SOX5: variants seen among roughly 807,000 people sequenced by gnomAD.
SOX5 encodes the protein transcription factor SOX-5.
A neutral mutation model predicts 92.0 loss-of-function variants in SOX5; 9 were observed. The observed-to-expected ratio is 0.10, with a 90% confidence interval of 0.06 to 0.17. The LOEUF (loss-of-function observed/expected upper bound fraction) is 0.17, where lower values mean the gene tolerates loss of function less well. Ranked by LOEUF, SOX5 falls within the 10% of genes least tolerant of loss-of-function variation. SOX5 has a pLI of 1.00. For synonymous variants in SOX5, 344 were observed against 336.3 expected (o/e 1.02, Z -0.25); for missense variants, 642 against 944.5 (o/e 0.68, Z 4.20).
At chr12:24,470,144 T>C (rs1262578799) in intron 1 of SOX5, among the ~76,000 whole-genome samples, 1 of 152,216 alleles carries the variant, frequency 6.6e-6, no homozygotes, top group Non-Finnish European at 1.5e-5. Flanking sequence ...ACAGATGATG[T>C]AGAAAACCAA....
At chr12:23,998,138 A>G (rs1951215566) in intron 4 of SOX5, among the ~76,000 whole-genome samples, 1 of 152,156 alleles carries the variant, frequency 6.6e-6, no homozygotes, top group African/African-American at 2.4e-5. Context: ...CCTAACAAAA[A>G]CTTCAAAATA....
chr12:23,847,414 G>A (rs1156741237), intron 2 of SOX5, among the ~76,000 whole-genome samples: 1 of 152,068 alleles, frequency 6.6e-6, no homozygotes, highest in African/African-American at 2.4e-5. Flanking sequence ...CTTCCAAAAA[G>A]TAACAAATCA....
chr12:24,028,905 G>A (rs1184338848), intron 4 of SOX5, among the ~76,000 whole-genome samples: 2 of 151,938 alleles, frequency 1.3e-5, no homozygotes, highest in Non-Finnish European at 2.9e-5. Flanking sequence ...GTAAGAGAAA[G>A]GACATTTTAT....
chr12:24,370,247 G>T (rs1248735938), intron 1 of SOX5, among the ~76,000 whole-genome samples: 1 of 152,062 alleles, frequency 6.6e-6, no homozygotes, highest in Non-Finnish European at 1.5e-5. Flanking sequence ...GGCCAAGACG[G>T]GTGGATCATG....
intron 1 of SOX5, among the ~76,000 whole-genome samples, chr12:24,490,770 C>T (rs577227247): frequency 1.3e-5 from 2 of 152,242 alleles, no homozygotes; most frequent in African/African-American, 4.8e-5. Flanking sequence ...GAAACTCTCT[C>T]ATTTCCTTGT....
At chr12:24,287,592 C>CTTTTTTTTTTT (rs763973565) in intron 2 of SOX5, among the ~76,000 whole-genome samples, 1 of 79,672 alleles carries the variant, frequency 1.3e-5, no homozygotes, top group Non-Finnish European at 2.3e-5. Flanking sequence ...TTCTCAAATC[C>CTTTTTTTTTTT]TTTTTTTTTT....
chr12:23,894,420 G>T (rs1293840062), intron 2 of SOX5, among the ~76,000 whole-genome samples: 1 of 151,964 alleles, frequency 6.6e-6, no homozygotes, highest in East Asian at 1.9e-4. Context: ...TAGAGATGGG[G>T]TTTCACTATG....
At chr12:24,400,106 G>A (rs1163959764) in intron 1 of SOX5, among the ~76,000 whole-genome samples, 1 of 152,176 alleles carries the variant, frequency 6.6e-6, no homozygotes, top group African/African-American at 2.4e-5. Flanking sequence ...ATTCATGAAA[G>A]TAGCTAAAGT....
intron 8 of SOX5, among the ~76,000 whole-genome samples, chr12:23,606,706 G>A (rs1303443972): frequency 6.6e-6 from 1 of 151,910 alleles, no homozygotes; most frequent in Non-Finnish European, 1.5e-5. Flanking sequence ...ATAGTTTATT[G>A]AATTAAAGGA....
rs369632345 is a variant in SOX5, at chr12:23,907,023, C to T, written c.39-10999G>A. Among the ~76,000 whole-genome samples the T allele has an allele frequency of 1.1e-4, 17 of 151,998 alleles. 1 individual carries two copies. The East Asian group carries it at 1.7e-3, about 16-fold the overall frequency. On this transcript the variant is annotated intron_variant, in intron 1 of 14. Transcript: ENST00000451604. ...TATCTTTAAAAATTATCTGCAGAATCCCTGCTACAGGGACAATCTTTTCTG... is the reference window on the plus strand; with the variant it reads ...TATCTTTAAAAATTATCTGCAGAATTCCTGCTACAGGGACAATCTTTTCTG...
At chr12:23,816,437 C>T (rs1374338171) in intron 3 of SOX5, among the ~76,000 whole-genome samples, 2 of 151,964 alleles carry the variant, frequency 1.3e-5, no homozygotes, top group African/African-American at 2.4e-5. Flanking sequence ...ATCTCGAACT[C>T]CTGACCTCAT....
chr12:23,556,502 T>C (rs764551682), intron 11 of SOX5, among the ~76,000 whole-genome samples: 5 of 152,174 alleles, frequency 3.3e-5, no homozygotes, highest in Admixed American at 6.5e-5. Flanking sequence ...ATTTAAAACA[T>C]TGGGAACATT....
chr12:24,475,644 T>C (rs1270484070), intron 1 of SOX5, among the ~76,000 whole-genome samples: 1 of 152,290 alleles, frequency 6.6e-6, no homozygotes, highest in East Asian at 1.9e-4. Flanking sequence ...CAGAAATTGA[T>C]TTTATTGGAG....
chr12:24,059,075 C>T (rs1939158314), intron 4 of SOX5, among the ~76,000 whole-genome samples: 1 of 151,878 alleles, frequency 6.6e-6, no homozygotes, highest in Non-Finnish European at 1.5e-5. Context: ...TTATCACTTG[C>T]TAGAGAAATA....
chr12:23,747,779 T>A (rs2094040655), intron 4 of SOX5, among the ~76,000 whole-genome samples: 1 of 152,020 alleles, frequency 6.6e-6, no homozygotes, highest in South Asian at 2.1e-4. Context: ...ATTGTCAAAT[T>A]CCTCCTGGTG....
intron 7 of SOX5, among the ~76,000 whole-genome samples, chr12:23,664,322 C>CATATATAT (rs34331621): frequency 0.068 from 10,228 of 149,946 alleles, 442 homozygotes; most frequent in Non-Finnish European, 0.098. Context: ...AATTCATTAA[C>CATATATAT]ATATATATAT....
chr12:23,782,612 A>T (rs1307532532), intron 3 of SOX5, among the ~76,000 whole-genome samples: 1 of 152,140 alleles, frequency 6.6e-6, no homozygotes, highest in Middle Eastern at 3.2e-3. Flanking sequence ...CCTATTGTTG[A>T]AGGTGCATTT....
intron 1 of SOX5, among the ~76,000 whole-genome samples, chr12:24,475,410 C>G (rs1305220416): frequency 6.6e-6 from 1 of 152,146 alleles, no homozygotes; most frequent in Non-Finnish European, 1.5e-5. Flanking sequence ...CTTTGCATCC[C>G]CAGCACCTAG....
At chr12:24,255,667 C>CG (rs1260923244) in intron 3 of SOX5, among the ~76,000 whole-genome samples, 1 of 151,812 alleles carries the variant, frequency 6.6e-6, no homozygotes, top group Non-Finnish European at 1.5e-5. Flanking sequence ...CTTCTCGACT[C>CG]GGAAAAAAAA....
Sources: allele counts gnomAD v4.1 joint callset (sites outside exome capture counted in the v4.1 genomes callset), GRCh38; gene constraint gnomAD v4.1.1; transcripts MANE v1.5; gene names NCBI Gene and HGNC (gene_info 2026-07-23, HGNC 2026-07-21).